The following SPSB4 variants were observed in gnomAD, a reference collection of about 807,000 sequenced individuals.
SPSB4 encodes splA/ryanodine receptor domain and SOCS box containing 4.
A neutral mutation model predicts 20.9 loss-of-function variants in SPSB4; 21 were observed. The observed-to-expected ratio is 1.01, with a 90% CI of 0.71 to 1.45. SPSB4 has a LOEUF of 1.45. Among genes scored for constraint, SPSB4 ranks in the 40% most tolerant of loss-of-function variants. The probability of loss-of-function intolerance (pLI) is 0.00; values close to 1 mark genes in which losing one functional copy is unlikely to be tolerated. For synonymous variants in SPSB4, 207 were observed against 183.8 expected (o/e 1.13, Z -1.02); for missense variants, 399 against 399.2 (o/e 1.00, Z 0.00).
intron 2 of SPSB4, among the ~76,000 whole-genome samples, chr3:141,103,001 G>A (rs1938635908): frequency 6.6e-6 from 1 of 152,104 alleles, no homozygotes; most frequent in South Asian, 2.1e-4. Context: ...AACCAGATAC[G>A]GTCACTTACA....
At chr3:141,084,811 A>T (rs927931531) in intron 2 of SPSB4, among the ~76,000 whole-genome samples, 1 of 152,240 alleles carries the variant, frequency 6.6e-6, no homozygotes, top group African/African-American at 2.4e-5. Flanking sequence ...ACCCCTCCAG[A>T]TGCTCATTCA....
At chr3:141,106,814 C>G (rs957484475) in intron 2 of SPSB4, among the ~76,000 whole-genome samples, 1 of 152,222 alleles carries the variant, frequency 6.6e-6, no homozygotes, top group South Asian at 2.1e-4. Flanking sequence ...CACCCTCAAC[C>G]TACCTGAAAT....
At chr3:141,069,755 T>C (rs1284343443) in intron 2 of SPSB4, among the ~76,000 whole-genome samples, 1 of 152,166 alleles carries the variant, frequency 6.6e-6, no homozygotes, top group Non-Finnish European at 1.5e-5. Context: ...AGCAGACACA[T>C]AGCAATTGGT....
intron 2 of SPSB4, among the ~76,000 whole-genome samples, chr3:141,087,885 C>T (rs916923221): frequency 2.6e-5 from 4 of 152,168 alleles, no homozygotes; most frequent in African/African-American, 9.7e-5. Context: ...TGCTTCTGTA[C>T]TTTACAACCT....
At chr3:141,053,676 C>A (rs187422001) in intron 1 of SPSB4, among the ~76,000 whole-genome samples, 49 of 152,014 alleles carry the variant, frequency 3.2e-4, no homozygotes, top group African/African-American at 1.1e-3. Context: ...AGAAATGATA[C>A]CAAAACATAT....
chr3:141,100,409 G>A (rs1164773694), intron 2 of SPSB4, among the ~76,000 whole-genome samples: 1 of 152,204 alleles, frequency 6.6e-6, no homozygotes. Context: ...CTGTGAGCAT[G>A]AATGCAGAGA....
intron 2 of SPSB4, among the ~76,000 whole-genome samples, chr3:141,132,645 G>GGT (rs530175627): frequency 2.4e-4 from 33 of 136,358 alleles, no homozygotes; most frequent in South Asian, 1.3e-3. Flanking sequence ...AGTATTCCAA[G>GGT]GTGTGTGTAT....
rs77189339 is a variant in SPSB4, at chr3:141,075,701, C to G, written c.694+8903C>G. On this transcript the variant is annotated intron_variant, in intron 2 of 2. Coordinates refer to ENST00000310546, the MANE Select transcript of SPSB4 (RefSeq NM_080862.3). ...CCCAATCACAGCTTATCCCCACGCCCCACCATCCACCCATCTACCCGCCAT... is the reference window on the plus strand; with the variant it reads ...CCCAATCACAGCTTATCCCCACGCCGCACCATCCACCCATCTACCCGCCAT... 3.2e-3 allele frequency among the ~76,000 whole-genome samples: 483 copies of G among 152,104 alleles called. 7 individuals carry two copies. The highest frequency in any genetic ancestry group is 0.021 in the East Asian group (108 of 5,166).
intron 2 of SPSB4, chr3:141,117,246 G>A (rs556541807): frequency 1.3e-5 from 2 of 152,360 alleles, no homozygotes; most frequent in South Asian, 2.1e-4. Flanking sequence ...CTCCCCACGA[G>A]GCAGGTGATG....
chr3:141,102,399 C>G (rs565131432), intron 2 of SPSB4, among the ~76,000 whole-genome samples: 1 of 152,068 alleles, frequency 6.6e-6, no homozygotes, highest in Non-Finnish European at 1.5e-5. Flanking sequence ...GGTGGCATGT[C>G]GGGAAGGTAG....
At chr3:141,114,848 T>G (rs1938859905) in intron 2 of SPSB4, among the ~76,000 whole-genome samples, 1 of 152,258 alleles carries the variant, frequency 6.6e-6, no homozygotes, top group South Asian at 2.1e-4. Context: ...AGAAAGGAAG[T>G]GTCTGTTTTT....
chr3:141,138,807 T>G (rs1370492885), intron 2 of SPSB4, among the ~76,000 whole-genome samples: 1 of 152,222 alleles, frequency 6.6e-6, no homozygotes, highest in African/African-American at 2.4e-5. Flanking sequence ...AGAATGTATA[T>G]TCTGTTGATT....
At chr3:141,071,145 G>A (rs1025263522) in intron 2 of SPSB4, among the ~76,000 whole-genome samples, 1 of 152,388 alleles carries the variant, frequency 6.6e-6, no homozygotes, top group East Asian at 1.9e-4. Flanking sequence ...ACTAACAGGG[G>A]AATGTCACTG....
chr3:141,072,508 A>G (rs890184028), intron 2 of SPSB4, among the ~76,000 whole-genome samples: 1 of 152,152 alleles, frequency 6.6e-6, no homozygotes, highest in Admixed American at 6.5e-5. Flanking sequence ...GTTGTTTAAA[A>G]GAGCCTGGCA....
chr3:141,057,000 C>T (rs549373591), intron 1 of SPSB4, among the ~76,000 whole-genome samples: 79 of 152,340 alleles, frequency 5.2e-4, no homozygotes, highest in African/African-American at 1.6e-3. Context: ...GGCTCAGTCA[C>T]GCGTGGGAGG....
intron 2 of SPSB4, among the ~76,000 whole-genome samples, chr3:141,130,210 G>A (rs1939112672): frequency 2.6e-5 from 4 of 152,214 alleles, no homozygotes; most frequent in Admixed American, 2.0e-4. Context: ...CAGACCCTGA[G>A]GGCAGAGGAG....
intron 2 of SPSB4, among the ~76,000 whole-genome samples, chr3:141,138,485 T>C (rs1156691047): frequency 6.6e-6 from 1 of 152,312 alleles, no homozygotes; most frequent in East Asian, 1.9e-4. Context: ...GCTATAAGTT[T>C]CCCTCTACAC....
At chr3:141,135,003 C>T (rs1445505235) in intron 2 of SPSB4, among the ~76,000 whole-genome samples, 1 of 151,750 alleles carries the variant, frequency 6.6e-6, no homozygotes, top group Non-Finnish European at 1.5e-5. Flanking sequence ...ATGTAATCAC[C>T]ACTCAGATCA....
chr3:141,063,977 C>T (rs372363771), intron 1 of SPSB4, among the ~76,000 whole-genome samples: 6 of 152,362 alleles, frequency 3.9e-5, no homozygotes, highest in African/African-American at 1.4e-4. Context: ...CAACACACTG[C>T]TTCCTGTGAA....
Sources: gnomAD v4.1 joint callset for allele counts (sites outside exome capture counted in the v4.1 genomes callset) on GRCh38, gnomAD v4.1.1 for gene constraint, MANE v1.5 for transcripts, NCBI Gene and HGNC (gene_info 2026-07-23, HGNC 2026-07-21) for gene names.